The following PRR5L variants were observed in gnomAD, a reference collection of about 807,000 sequenced individuals.
PRR5L encodes proline rich 5 like, also known as proline-rich protein 5-like.
Under a neutral mutation model 36.4 loss-of-function variants are expected in PRR5L, and 21 were observed. That is an observed-to-expected ratio of 0.58 (90% CI 0.41 to 0.83). The LOEUF (loss-of-function observed/expected upper bound fraction) is 0.83. Ranked by LOEUF, PRR5L falls within the 40% of genes least tolerant of loss-of-function variation. The probability of loss-of-function intolerance (pLI) is 0.00; values close to 1 mark genes in which losing one functional copy is unlikely to be tolerated. For missense variants in PRR5L, 381 were observed against 473.3 expected (o/e 0.80, Z 1.81); for synonymous variants, 188 against 197.0 (o/e 0.95, Z 0.38).
At chr11:36,444,736 C>G (rs1383529582) in intron 6 of PRR5L, among the ~76,000 whole-genome samples, 7 of 152,182 alleles carry the variant, frequency 4.6e-5, no homozygotes. Flanking sequence ...CCCAGTCTTC[C>G]TTTTTCTCTC....
chr11:36,319,572 G>C (rs1856592471), intron 1 of PRR5L, among the ~76,000 whole-genome samples: 1 of 152,172 alleles, frequency 6.6e-6, no homozygotes, highest in African/African-American at 2.4e-5. Context: ...TAAACCAATG[G>C]GCTTAGCTGT....
At chr11:36,413,250 T>A (rs541976759) in intron 3 of PRR5L, among the ~76,000 whole-genome samples, 125 of 152,306 alleles carry the variant, frequency 8.2e-4, no homozygotes, top group Admixed American at 1.4e-3. Context: ...CTCTCTATAG[T>A]CCTGAGAACA....
At chr11:36,337,145 G>A (rs893596524) in intron 1 of PRR5L, among the ~76,000 whole-genome samples, 8 of 152,198 alleles carry the variant, frequency 5.3e-5, no homozygotes, top group Middle Eastern at 3.4e-3. Flanking sequence ...TGCCACGGTC[G>A]CTGGGTCATG....
rs186290883 is a variant in PRR5L at position 36,299,808 on chromosome 11, C to A, written c.-126+3370C>A. Among the ~76,000 whole-genome samples, 287 of 152,242 alleles carry A rather than the reference C, an allele frequency of 1.9e-3. 1 individual carries two copies. Among genetic ancestry groups the A allele is most frequent in the African/African-American group, 6.5e-3 (269 of 41,534 alleles). ...CCTTCATCATCCAGGCTTCTTAGAG[C>A]TTTTACCTACTGGAGTTTGGTCTGT... On this transcript the variant is annotated intron_variant, in intron 1 of 8. Coordinates refer to ENST00000530639, the MANE Select transcript of PRR5L (RefSeq NM_001160167.2).
chr11:36,369,092 G>C (rs561446997), intron 1 of PRR5L, among the ~76,000 whole-genome samples: 5 of 152,290 alleles, frequency 3.3e-5, no homozygotes, highest in Non-Finnish European at 7.3e-5. Context: ...GAAGGGCTGG[G>C]AGACAGGTCA....
chr11:36,341,649 A>G (rs538810689), intron 1 of PRR5L, among the ~76,000 whole-genome samples: 43 of 152,336 alleles, frequency 2.8e-4, no homozygotes, highest in African/African-American at 9.9e-4. Flanking sequence ...GCTGCACAAA[A>G]TGGGAACAAT....
chr11:36,386,859 T>A (rs1241627375), intron 1 of PRR5L, among the ~76,000 whole-genome samples: 1 of 152,244 alleles, frequency 6.6e-6, no homozygotes, highest in Non-Finnish European at 1.5e-5. Context: ...CTGACCATCA[T>A]GGCCAGCCTC....
rs747683014 is a variant in PRR5L, at chr11:36,377,153, A to G, written c.-125-23844A>G. Among the ~76,000 whole-genome samples, 7 of 152,222 alleles carry G rather than the reference A, an allele frequency of 4.6e-5. No individual in the cohort carries two copies. Among genetic ancestry groups the G allele is most frequent in the Non-Finnish European group, 1.0e-4 (7 of 68,036 alleles). ...TAAGCACGGGAGATTTCGCGCCTGC[A>G]GCAGCCTTTTCCCGGCGGTCCCCCT... On this transcript the variant is annotated intron_variant, in intron 1 of 8. Transcript: ENST00000530639. The surrounding 1 kb of genome is among the most constrained non-coding windows in gnomAD (Gnocchi z 5.1).
At chr11:36,338,290 A>G (rs1856787262) in intron 1 of PRR5L, among the ~76,000 whole-genome samples, 4 of 152,146 alleles carry the variant, frequency 2.6e-5, no homozygotes, top group Admixed American at 2.6e-4. Flanking sequence ...TCCTTTGTTC[A>G]CAGTCTCTAA....
chr11:36,394,017 A>G (rs1352949681), intron 1 of PRR5L: 1 of 152,234 alleles, frequency 6.6e-6, no homozygotes, highest in East Asian at 1.9e-4. Context: ...GAACTGTAAG[A>G]AAACAAATTT....
At chr11:36,341,931 G>A (rs930837239) in intron 1 of PRR5L, among the ~76,000 whole-genome samples, 2 of 152,238 alleles carry the variant, frequency 1.3e-5, no homozygotes, top group African/African-American at 4.8e-5. Flanking sequence ...ACAACTGGAA[G>A]CGGAAAGAAA....
At chr11:36,351,340 A>G (rs1446467878) in intron 1 of PRR5L, among the ~76,000 whole-genome samples, 1 of 70,812 alleles carries the variant, frequency 1.4e-5, no homozygotes, top group Non-Finnish European at 2.4e-5. Flanking sequence ...ATATATATTT[A>G]TAATATATAA....
At chr11:36,299,474 G>C (rs1373818314) in intron 1 of PRR5L, among the ~76,000 whole-genome samples, 1 of 152,170 alleles carries the variant, frequency 6.6e-6, no homozygotes, top group Non-Finnish European at 1.5e-5. Flanking sequence ...TCAGTTAAGA[G>C]GGAAACCAGT....
chr11:36,307,632 C>T (rs1175812112), intron 1 of PRR5L, among the ~76,000 whole-genome samples: 1 of 152,146 alleles, frequency 6.6e-6, no homozygotes, highest in Non-Finnish European at 1.5e-5. Context: ...CCAGTTTTTC[C>T]CCTTTCCTTT....
intron 4 of PRR5L, among the ~76,000 whole-genome samples, chr11:36,421,949 T>C (rs978457067): frequency 6.6e-6 from 1 of 152,232 alleles, no homozygotes; most frequent in African/African-American, 2.4e-5. Context: ...CTTAACATTA[T>C]TTTGTTGGCA....
chr11:36,450,316 G>A (rs941276010), intron 7 of PRR5L, among the ~76,000 whole-genome samples: 4 of 152,168 alleles, frequency 2.6e-5, no homozygotes, highest in Admixed American at 6.5e-5. Flanking sequence ...CTTGGGCTGG[G>A]CACAGCCCCA....
At chr11:36,461,116 G>T (rs1397718495) in intron 8 of PRR5L, among the ~76,000 whole-genome samples, 1 of 152,168 alleles carries the variant, frequency 6.6e-6, no homozygotes, top group African/African-American at 2.4e-5. Flanking sequence ...AAGAGCAAGG[G>T]TCTGGAGAGA....
At chr11:36,322,075 A>T (rs1022224821) in intron 1 of PRR5L, among the ~76,000 whole-genome samples, 1 of 152,198 alleles carries the variant, frequency 6.6e-6, no homozygotes, top group African/African-American at 2.4e-5. Context: ...AACCCATAAC[A>T]GTCTCCCCAG....
intron 1 of PRR5L, among the ~76,000 whole-genome samples, chr11:36,346,090 A>G (rs1451059034): frequency 6.6e-6 from 1 of 152,108 alleles, no homozygotes; most frequent in African/African-American, 2.4e-5. Flanking sequence ...ATGGGGCCTT[A>G]TCATCTTGGG....
Sources: allele counts gnomAD v4.1 joint callset (sites outside exome capture counted in the v4.1 genomes callset), GRCh38; gene constraint gnomAD v4.1.1; non-coding constraint Gnocchi (gnomAD v3.1); transcripts MANE v1.5; gene names NCBI Gene and HGNC (gene_info 2026-07-23, HGNC 2026-07-21).